Variants in STX11 observed in about 807,000 individuals in gnomAD.
The protein encoded by STX11 is syntaxin-11.
In STX11, 21 loss-of-function variants were observed where a neutral mutation model predicts 19.9. That is an observed-to-expected ratio of 1.06 (90% CI 0.75 to 1.52). The LOEUF (loss-of-function observed/expected upper bound fraction) is 1.52, where lower values mean the gene tolerates loss of function less well. Among genes scored for constraint, STX11 ranks in the 40% most tolerant of loss-of-function variants. The pLI is 0.00. For synonymous variants in STX11, 193 were observed against 174.4 expected (o/e 1.11, Z -0.84); for missense variants, 438 against 405.9 (o/e 1.08, Z -0.68).
Position 144,189,206 on chromosome 6 carries a change from A to G in STX11, c.*1715A>G, listed in dbSNP as rs1802152080. Among the ~76,000 whole-genome samples the G allele has an allele frequency of 6.6e-6, 1 of 152,142 alleles. No homozygotes were observed. The highest frequency in any genetic ancestry group is 2.1e-4 in the South Asian group (1 of 4,826). ...CCCGGCTAATTTTTGTATTTTCTGT[A>G]GAGACAGGGTTTGCCATGTGGCCCA... is the stretch of plus-strand genomic sequence containing the variant. On this transcript the variant is annotated 3_prime_UTR_variant, in exon 2 of 2. Transcript: ENST00000367568.
intron 1 of STX11, among the ~76,000 whole-genome samples, chr6:144,164,914 C>T (rs1029161804): frequency 1.3e-5 from 2 of 151,902 alleles, no homozygotes; most frequent in African/African-American, 2.4e-5. Flanking sequence ...CCAGGCTAGT[C>T]TCAAACTCCT....
chr6:144,163,481 T>A (rs1290935021), intron 1 of STX11, among the ~76,000 whole-genome samples: 5 of 152,018 alleles, frequency 3.3e-5, no homozygotes, highest in Admixed American at 6.6e-5. Flanking sequence ...ATTTTTTTTT[T>A]AATTTTTGTT....
Position 144,173,668 on chromosome 6 carries a change from C to CA in STX11, c.-5-12951dup, listed in dbSNP as rs538586758. On this transcript the variant is annotated intron_variant, in intron 1 of 1. Transcript: ENST00000367568. The stretch of plus-strand genomic sequence containing the variant: ...GTCTGGAGATCTTTGCAGCGAGATG[C>CA]AAAATTCATACCAACATTTTCAGCC... Among the ~76,000 whole-genome samples the CA allele has an allele frequency of 2.5e-4, 38 of 152,282 alleles. 1 individual carries two copies. The South Asian group carries it at 7.9e-3, about 32-fold the overall frequency.
chr6:144,183,106 A>G lies in STX11; in HGVS notation c.-5-3517A>G, dbSNP rs886963161. On this transcript the variant is annotated intron_variant, in intron 1 of 1. Transcript: ENST00000367568. The surrounding 1 kb of genome is among the most constrained non-coding windows in gnomAD (Gnocchi z 4.6). Reference sequence around the variant, plus strand: ...TTTAAATTATGAAATGTGTGTGGACATTATAAAAATTTTGGAAAATACAGA... The same window carrying G: ...TTTAAATTATGAAATGTGTGTGGACGTTATAAAAATTTTGGAAAATACAGA... 6.6e-6 allele frequency among the ~76,000 whole-genome samples: 1 copy of G among 152,260 alleles called. No individual in the cohort carries two copies. The highest frequency in any genetic ancestry group is 1.5e-5 in the Non-Finnish European group (1 of 68,038).
At chr6:144,150,402 A>G, upstream of STX11, 1 of 792,744 alleles carries the variant, frequency 1.3e-6, no homozygotes, top group Non-Finnish European at 1.5e-6. Flanking sequence ...GTGGGGCGGG[A>G]ACCCGCGCTC....
Position 144,150,541 on chromosome 6 carries a change from C to G in STX11, c.-168C>G, listed in dbSNP as rs949777141. 1 of 985,302 alleles carries G rather than the reference C, an allele frequency of 1.0e-6. No individual in the cohort carries two copies. The highest frequency in any genetic ancestry group is 1.7e-5 in the African/African-American group (1 of 57,218). 61.0% of individuals were successfully genotyped at this position (985,302 alleles called of 1,614,324 possible). On this transcript the variant is annotated 5_prime_UTR_variant, in exon 1 of 2. Coordinates refer to ENST00000367568, the MANE Select transcript of STX11 (RefSeq NM_003764.4). ...CAGATGCGGCCGCGGCGGCGCGGAG[C>G]TCGGGCGGCCGTGGAGGAACTCAGC...
rs1169085367 is a variant in STX11, at chr6:144,155,992, TTCTTTCTTTC to T, written c.-6+5291_-6+5300del. Among the ~76,000 whole-genome samples the T allele has an allele frequency of 3.8e-5, 5 of 130,854 alleles. No homozygotes were observed. Among genetic ancestry groups the T allele is most frequent in the South Asian group, 2.3e-4 (1 of 4,316 alleles). 85.8% of individuals were successfully genotyped at this position (130,854 alleles called of 152,430 possible). On this transcript the variant is annotated intron_variant, in intron 1 of 1. Transcript: ENST00000367568. This position sits in a 1 kb window ranked among gnomAD's most constrained non-coding sequence, Gnocchi z 4.5. Reference sequence around the variant, plus strand: ...TTTCTTTCTTTCTTTCTTTCTTTCTTTCTTTCTTTCTTTCTTTCTTTCTCTCTTTCTCTCC... The same window carrying T: ...TTTCTTTCTTTCTTTCTTTCTTTCTTTTTCTTTCTTTCTCTCTTTCTCTCC...
chr6:144,185,321 A>G (rs1327243509), intron 1 of STX11, among the ~76,000 whole-genome samples: 1 of 152,226 alleles, frequency 6.6e-6, no homozygotes, highest in Non-Finnish European at 1.5e-5. Flanking sequence ...TTTGAGACCA[A>G]GAACCCTGAT....
At position 144,190,142 on chromosome 6, in the gene STX11, G is replaced by A. The variant is rs970860897; in HGVS notation, c.*2651G>A. On this transcript the variant is annotated 3_prime_UTR_variant, in exon 2 of 2. Coordinates refer to ENST00000367568, the MANE Select transcript of STX11 (RefSeq NM_003764.4). The stretch of plus-strand genomic sequence containing the variant: ...GAGTGAACTGTTACCTATAGGGAAA[G>A]AACACTTCTTCTTCCTGCTGTTTGG... Among the ~76,000 whole-genome samples, 1 of 152,224 alleles carries A rather than the reference G, an allele frequency of 6.6e-6. No homozygotes were observed. Among genetic ancestry groups the A allele is most frequent in the African/African-American group, 2.4e-5 (1 of 41,458 alleles).
chr6:144,173,928 G>A (rs2128752360), intron 1 of STX11, among the ~76,000 whole-genome samples: 1 of 152,334 alleles, frequency 6.6e-6, no homozygotes, highest in East Asian at 1.9e-4. Flanking sequence ...GCCACTTCTA[G>A]GTACCAATTT....
chr6:144,169,304 G>C lies in STX11; in HGVS notation c.-5-17319G>C, dbSNP rs1801564628. Among the ~76,000 whole-genome samples, 1 of 152,206 alleles carries C rather than the reference G, an allele frequency of 6.6e-6. No individual in the cohort carries two copies. The highest frequency in any genetic ancestry group is 2.4e-5 in the African/African-American group (1 of 41,446). ...GATGTTTTATCAGCATTGCAAACTT[G>C]TTGTGGAGTCAAATTTTCATCAGCA... On this transcript the variant is annotated intron_variant, in intron 1 of 1. Coordinates refer to ENST00000367568, the MANE Select transcript of STX11 (RefSeq NM_003764.4). The surrounding 1 kb of genome is among the most constrained non-coding windows in gnomAD (Gnocchi z 5.2).
upstream of STX11, among the ~76,000 whole-genome samples, chr6:144,147,461 G>A (rs535572514): frequency 6.6e-6 from 1 of 152,106 alleles, no homozygotes; most frequent in African/African-American, 2.4e-5. The surrounding 1 kb of genome is among the most constrained non-coding windows in gnomAD (Gnocchi z 4.2). Flanking sequence ...TCACTAATCA[G>A]AACTTCTCAT....
In STX11 at chr6:144,167,691, T is replaced by G. The variant is rs1472637463; in HGVS notation, c.-6+16988T>G. On this transcript the variant is annotated intron_variant, in intron 1 of 1. Coordinates refer to ENST00000367568, the MANE Select transcript of STX11 (RefSeq NM_003764.4). This position sits in a 1 kb window ranked among gnomAD's most constrained non-coding sequence, Gnocchi z 5.0. ...TAAAGTGCAGTGGCACGATCACAGCTCACTGAAGCCTTAACCTCCTGGGCT... is the reference window on the plus strand; with the variant it reads ...TAAAGTGCAGTGGCACGATCACAGCGCACTGAAGCCTTAACCTCCTGGGCT... 2.0e-5 allele frequency among the ~76,000 whole-genome samples: 3 copies of G among 152,208 alleles called. No homozygotes were observed. Among genetic ancestry groups the G allele is most frequent in the African/African-American group, 7.2e-5 (3 of 41,438 alleles).
At chr6:144,181,671 A>G (rs1801915807) in intron 1 of STX11, among the ~76,000 whole-genome samples, 1 of 151,392 alleles carries the variant, frequency 6.6e-6, no homozygotes, top group Admixed American at 6.6e-5. Context: ...ATGCATTATA[A>G]TCACCTGGAG....
rs1278912152 is a variant in STX11 at position 144,156,008 on chromosome 6, T to TTC, written c.-6+5307_-6+5308dup. 8.2e-3 allele frequency among the ~76,000 whole-genome samples: 777 copies of TTC among 94,818 alleles called. 38 individuals carry two copies. The highest frequency in any genetic ancestry group is 0.04 in the African/African-American group (723 of 18,110). The allele number at this position is 94,818 out of a possible 152,430, so 62.2% of individuals were successfully genotyped here. ...TTTCTTTCTTTCTTTCTTTCTTTCT[T>TTC]TCTTTCTCTCTTTCTCTCCTTCCTT... On this transcript the variant is annotated intron_variant, in intron 1 of 1. Coordinates refer to ENST00000367568, the MANE Select transcript of STX11 (RefSeq NM_003764.4).
At position 144,190,749 on chromosome 6, in the gene STX11, A is replaced by G. The variant is rs568978285; in HGVS notation, c.*3258A>G. On this transcript the variant is annotated 3_prime_UTR_variant, in exon 2 of 2. Coordinates refer to ENST00000367568, the MANE Select transcript of STX11 (RefSeq NM_003764.4). ...AGGTGTTCTTTCCTAATTCTTCCCA[A>G]GCTGTGAGTCAGAAAGTCCTGGAAG... Among the ~76,000 whole-genome samples the G allele has an allele frequency of 2.6e-5, 4 of 152,254 alleles. 1 individual carries two copies. The South Asian group carries it at 6.2e-4, about 24-fold the overall frequency.
chr6:144,187,852 A>G lies in STX11; in HGVS notation c.*361A>G, dbSNP rs567673615. On this transcript the variant is annotated 3_prime_UTR_variant, in exon 2 of 2. Coordinates refer to ENST00000367568, the MANE Select transcript of STX11 (RefSeq NM_003764.4). The surrounding 1 kb of genome is among the most constrained non-coding windows in gnomAD (Gnocchi z 5.6). ...TAATAAAGACTCAAGGAGGAAGTCA[A>G]TTGGGCATCTGCTAATAGAATGAAC... 8 of 396,066 alleles carry G rather than the reference A, an allele frequency of 2.0e-5. No homozygotes were observed. Among genetic ancestry groups the G allele is most frequent in the African/African-American group, 6.0e-5 (3 of 49,948 alleles). The allele number at this position is 396,066 out of a possible 1,614,324, so 24.5% of individuals were successfully genotyped here. A position where few individuals can be genotyped will look rare whatever the true frequency, so the allele number is the denominator to read the frequency against.
chr6:144,179,598 AG>A (rs2128754135), intron 1 of STX11, among the ~76,000 whole-genome samples: 1 of 152,296 alleles, frequency 6.6e-6, no homozygotes, highest in South Asian at 2.1e-4. Context: ...AGGGGTACAC[AG>A]GGTGACCCCA....
At position 144,151,201 on chromosome 6, in the gene STX11, A is replaced by G; in HGVS notation, c.-6+498A>G. 1 of 973,024 alleles carries G rather than the reference A, an allele frequency of 1.0e-6. No homozygotes were observed. Among genetic ancestry groups the G allele is most frequent in the Non-Finnish European group, 1.2e-6 (1 of 818,656 alleles). The allele number at this position is 973,024 out of a possible 1,614,324, so 60.3% of individuals were successfully genotyped here. ...GGAGAAATTGATAGAGCCTTCGAGG[A>G]GTCCCTTCGAAGCCCACGTAAGACT... On this transcript the variant is annotated intron_variant, in intron 1 of 1. Transcript: ENST00000367568. This position sits in a 1 kb window ranked among gnomAD's most constrained non-coding sequence, Gnocchi z 4.6.
Sources: allele counts gnomAD v4.1 joint callset (sites outside exome capture counted in the v4.1 genomes callset), GRCh38; gene constraint gnomAD v4.1.1; non-coding constraint Gnocchi (gnomAD v3.1); transcripts MANE v1.5; gene names NCBI Gene and HGNC (gene_info 2026-07-23, HGNC 2026-07-21).